The following BUD23 variants were observed in gnomAD, a reference collection of about 807,000 sequenced individuals.
The protein encoded by BUD23 is BUD23 rRNA methyltransferase and ribosome maturation factor.
Under a neutral mutation model 47.0 loss-of-function variants are expected in BUD23, and 34 were observed. The ratio of observed to expected loss-of-function variants is 0.72; its 90% CI spans 0.55 to 0.96. The LOEUF (loss-of-function observed/expected upper bound fraction) is 0.96, where lower values mean the gene tolerates loss of function less well. Ranked by LOEUF, BUD23 falls within the 40% of genes least tolerant of loss-of-function variation. The pLI is 0.00. For missense variants in BUD23, 343 were observed against 361.2 expected, an observed-to-expected ratio of 0.95 and a Z score of 0.41; for synonymous variants, 124 against 132.0, an observed-to-expected ratio of 0.94 and a Z score of 0.41.
Position 73,692,645 on chromosome 7 carries a change from A to C in BUD23, c.509A>C (p.Gln170Pro), listed in dbSNP as rs1798235967. The C allele has an allele frequency of 6.2e-7, 1 of 1,613,150 alleles. No individual in the cohort carries two copies. The highest frequency in any genetic ancestry group is 1.7e-5 in the Admixed American group (1 of 59,964). The part of the protein sequence containing the change: ...VLQLYPENSE[Q>P]LELITTQATK... ...CAGCTGTACCCTGAGAACTCAGAGCAGGTGAGTCCCTCGGCTACTGGGTGT... is the reference window on the plus strand; with the variant it reads ...CAGCTGTACCCTGAGAACTCAGAGCCGGTGAGTCCCTCGGCTACTGGGTGT... The change falls in exon 7 of 12, where the codon CAG becomes CCG. Residue 170 changes from glutamine to proline, a missense_variant and splice_region_variant. By Grantham distance (76) the Gln-to-Pro change is moderately conservative (BLOSUM62 -1). Coordinates refer to ENST00000265758, the MANE Select transcript of BUD23 (RefSeq NM_017528.5).
At position 73,697,669 on chromosome 7, in the gene BUD23, AAGG is replaced by A; in HGVS notation, c.769_771del (p.Glu257del). On this transcript the variant is annotated inframe_deletion, in exon 11 of 12. Coordinates refer to ENST00000265758, the MANE Select transcript of BUD23 (RefSeq NM_017528.5). ...GAGTCGGGCATGGGTGCTGGAGAAG[AAGG>A]AGCGGCACAGGCGCCAGGGCAGGTG... 2 of 1,613,676 alleles carry A rather than the reference AAGG, an allele frequency of 1.2e-6. No individual in the cohort carries two copies. Among genetic ancestry groups the A allele is most frequent in the South Asian group, 2.2e-5 (2 of 91,084 alleles).
At chr7:73,685,279 CAATA>C (rs1241147042) in intron 2 of BUD23, among the ~76,000 whole-genome samples, 3 of 152,186 alleles carry the variant, frequency 2.0e-5, no homozygotes, top group South Asian at 2.1e-4. Flanking sequence ...GACCCTGACT[CAATA>C]AATAAATAAA....
At chr7:73,695,957 A>G (rs1798386114) in intron 10 of BUD23, 2 of 152,210 alleles carry the variant, frequency 1.3e-5, no homozygotes, top group South Asian at 2.1e-4. Context: ...ATCTCCAGCT[A>G]GAGTGAAAAC....
intron 11 of BUD23, 62 bp downstream of exon 11, chr7:73,697,756 G>A (rs529811636): frequency 7.5e-5 from 121 of 1,609,824 alleles, no homozygotes; most frequent in South Asian, 6.5e-4. Flanking sequence ...GCCATGAAGA[G>A]CTTCCCTTTA....
At chr7:73,683,945 T>C in intron 2 of BUD23, 141 bp downstream of exon 2, 1 of 1,562,014 alleles carries the variant, frequency 6.4e-7, no homozygotes, top group Non-Finnish European at 8.6e-7. Context: ...TTTCTGTCTC[T>C]GGTAAATCAA....
intron 5 of BUD23, among the ~76,000 whole-genome samples, chr7:73,689,291 C>T (rs1283115295): frequency 2.6e-5 from 4 of 152,090 alleles, no homozygotes; most frequent in African/African-American, 9.7e-5. Context: ...TCATGAACTG[C>T]CCGCCTCAAC....
intron 10 of BUD23, 22 bp downstream of exon 10, chr7:73,694,072 G>A (rs41271235): frequency 0.013 from 21,418 of 1,596,278 alleles, 180 homozygotes; most frequent in Non-Finnish European, 0.017. Context: ...GCTGAAGCCT[G>A]CCCCGGCTGC....
Position 73,686,862 on chromosome 7 carries a change from A to G in BUD23, c.227A>G (p.His76Arg). The G allele has an allele frequency of 6.2e-7, 1 of 1,614,176 alleles. No individual in the cohort carries two copies. ...GGAAGTTATCTGTCAGATGAAGGGCACTATTGGGTGGGCCTGGATATCAGC... is the reference window on the plus strand; with the variant it reads ...GGAAGTTATCTGTCAGATGAAGGGCGCTATTGGGTGGGCCTGGATATCAGC... ...LSGSYLSDEG[H>R]YWVGLDISPA... Residue 76 changes from histidine to arginine, a missense_variant, in exon 4 of 12, where the codon CAC (histidine) becomes CGC (arginine). Coordinates refer to ENST00000265758, the MANE Select transcript of BUD23 (RefSeq NM_017528.5).
rs184763015 is a variant in BUD23 at position 73,693,309 on chromosome 7, C to T, written c.511-20C>T. 231 of 1,610,100 alleles carry T rather than the reference C, an allele frequency of 1.4e-4. 1 individual carries two copies. In the African/African-American group the frequency reaches 2.5e-3, roughly 17 times the overall value. On this transcript the variant is annotated intron_variant, in intron 7 of 11. Transcript: ENST00000265758. ...TCCTCTCAACCTCCGCTGCCTGACCCGCTGCCTTTCTTTCCTCAGTTGGAG... is the reference window on the plus strand; with the variant it reads ...TCCTCTCAACCTCCGCTGCCTGACCTGCTGCCTTTCTTTCCTCAGTTGGAG...
At chr7:73,685,509 A>G (rs1397390121) in intron 2 of BUD23, among the ~76,000 whole-genome samples, 1 of 152,194 alleles carries the variant, frequency 6.6e-6, no homozygotes, top group Non-Finnish European at 1.5e-5. Context: ...GAAGTGCTGC[A>G]GTGGCTGCAA....
chr7:73,695,464 T>G (rs1798367528), intron 10 of BUD23: 1 of 151,778 alleles, frequency 6.6e-6, no homozygotes, highest in Non-Finnish European at 1.5e-5. Context: ...TTGGCCAGGC[T>G]GTTCTCAAAC....
At chr7:73,686,759 G>A in intron 3 of BUD23, 28 bp downstream of exon 3, 1 of 1,614,084 alleles carries the variant, frequency 6.2e-7, no homozygotes, top group South Asian at 1.1e-5. Context: ...GGTTCAGATT[G>A]TCTAAGGTGG....
intron 2 of BUD23, among the ~76,000 whole-genome samples, chr7:73,686,137 GTTTC>G (rs1797958509): frequency 6.6e-6 from 1 of 151,824 alleles, no homozygotes; most frequent in Non-Finnish European, 1.5e-5. Flanking sequence ...TCTTTTACCT[GTTTC>G]TTTAAGTTTC....
At position 73,685,300 on chromosome 7, in the gene BUD23, T is replaced by G. The variant is rs558830327; in HGVS notation, c.87-1336T>G. Among the ~76,000 whole-genome samples the G allele has an allele frequency of 4.6e-5, 7 of 152,316 alleles. No individual in the cohort carries two copies. The South Asian group carries it at 1.5e-3, about 32-fold the overall frequency. On this transcript the variant is annotated intron_variant, in intron 2 of 11. Coordinates refer to ENST00000265758, the MANE Select transcript of BUD23 (RefSeq NM_017528.5). The stretch of plus-strand genomic sequence containing the variant: ...GACTCAATAAATAAATAAATAGCTA[T>G]TGGATACTGTTTCTTTTTTTTAGGG...
Position 73,690,969 on chromosome 7 carries a change from C to T in BUD23, c.416C>T (p.Ala139Val). The T allele has an allele frequency of 1.9e-6, 3 of 1,614,160 alleles. No individual in the cohort carries two copies. Among genetic ancestry groups the T allele is most frequent in the Non-Finnish European group, 1.7e-6 (2 of 1,180,020 alleles). The change falls in exon 6 of 12, where the codon GCC becomes GTC. Residue 139 changes from alanine to valine, a missense_variant. Physicochemically the swap from Ala to Val is moderately conservative, Grantham distance 64 (BLOSUM62 0). Coordinates refer to ENST00000265758, the MANE Select transcript of BUD23 (RefSeq NM_017528.5). ...GCTAACAAGAAGTCTGAAAACCCTGCCAAGCGCCTGTACTGCTTTTTTGCT... is the reference window on the plus strand; with the variant it reads ...GCTAACAAGAAGTCTGAAAACCCTGTCAAGCGCCTGTACTGCTTTTTTGCT... ...CNANKKSENP[A>V]KRLYCFFASL...
rs1204184566 is a variant in BUD23 at position 73,686,911 on chromosome 7, C to T, written c.265+11C>T. The T allele has an allele frequency of 6.2e-6, 10 of 1,613,978 alleles. No individual in the cohort carries two copies. The highest frequency in any genetic ancestry group is 8.5e-6 in the Non-Finnish European group (10 of 1,180,006). On this transcript the variant is annotated intron_variant, in intron 4 of 11. Coordinates refer to ENST00000265758, the MANE Select transcript of BUD23 (RefSeq NM_017528.5). ...GCCCTGCCATGCTGGGTAAGTATGT[C>T]CTGTCTGGCACCAGGGTGGATTACC...
At chr7:73,696,506 A>C (rs934183678) in intron 10 of BUD23, 16 of 152,178 alleles carry the variant, frequency 1.1e-4, no homozygotes, top group Non-Finnish European at 2.2e-4. Context: ...GCTATTCAAA[A>C]AGTAGGGGTA....
At position 73,698,065 on chromosome 7, in the gene BUD23, G is replaced by C; in HGVS notation, c.*179G>C. On this transcript the variant is annotated 3_prime_UTR_variant, in exon 12 of 12. Coordinates refer to ENST00000265758, the MANE Select transcript of BUD23 (RefSeq NM_017528.5). The stretch of plus-strand genomic sequence containing the variant: ...AATCCCAGCACCTTGGGAGGCTGAG[G>C]TGGGAGGATCATTTGAGGCCAGGAG... 1.9e-6 allele frequency: 1 copy of C among 524,502 alleles called. No individual in the cohort carries two copies. The highest frequency in any genetic ancestry group is 3.1e-6 in the Non-Finnish European group (1 of 325,698). The allele number at this position is 524,502 out of a possible 1,614,324, so 32.5% of individuals were successfully genotyped here.
In BUD23 at chr7:73,692,696, G is replaced by A. The variant is rs537165591; in HGVS notation, c.510+50G>A. ...GCCGGGGAGTTGGGGGACTCAACAG[G>A]TAAGCTGTCCTGGGGAAGCGACAAA... On this transcript the variant is annotated intron_variant, in intron 7 of 11. Coordinates refer to ENST00000265758, the MANE Select transcript of BUD23 (RefSeq NM_017528.5). 32 of 1,568,592 alleles carry A rather than the reference G, an allele frequency of 2.0e-5. 1 individual carries two copies. Among genetic ancestry groups the A allele is most frequent in the Middle Eastern group, 3.3e-4 (2 of 5,992 alleles).
Sources: allele counts gnomAD v4.1 joint callset (sites outside exome capture counted in the v4.1 genomes callset), GRCh38; gene constraint gnomAD v4.1.1; transcripts MANE v1.5; gene names NCBI Gene and HGNC (gene_info 2026-07-23, HGNC 2026-07-21).